The following PPP1R12A variants were observed in gnomAD, a reference collection of about 807,000 sequenced individuals.
PPP1R12A encodes myosin binding subunit.
PPP1R12A carries 19 observed loss-of-function variants against 139.6 expected under a neutral mutation model. The ratio of observed to expected loss-of-function variants is 0.14; its 90% confidence interval spans 0.09 to 0.20. The LOEUF (loss-of-function observed/expected upper bound fraction) is 0.20, where lower values mean the gene tolerates loss of function less well. PPP1R12A is among the 10% of genes least tolerant of loss of function. PPP1R12A has a pLI of 1.00. For missense variants in PPP1R12A, 925 were observed against 1,211.5 expected (o/e 0.76, Z 3.51); for synonymous variants, 427 against 420.6 (o/e 1.02, Z -0.19).
chr12:79,816,667 G>A (rs1875430154), intron 9 of PPP1R12A, among the ~76,000 whole-genome samples: 1 of 152,064 alleles, frequency 6.6e-6, no homozygotes, highest in Non-Finnish European at 1.5e-5. Context: ...AACAGACAGA[G>A]AACAGAAAGA....
At chr12:79,917,433 C>T (rs569332143) in intron 1 of PPP1R12A, among the ~76,000 whole-genome samples, 2 of 144,842 alleles carry the variant, frequency 1.4e-5, no homozygotes, top group African/African-American at 5.2e-5. Flanking sequence ...TGCAGTGAGC[C>T]GAGATCGTGC....
At chr12:79,883,018 T>A (rs1883782168) in intron 1 of PPP1R12A, among the ~76,000 whole-genome samples, 2 of 152,034 alleles carry the variant, frequency 1.3e-5, no homozygotes, top group South Asian at 4.2e-4. Context: ...GCACCTATAA[T>A]CCCAGCTACT....
At chr12:79,777,393 A>C (rs999653152) in intron 24 of PPP1R12A, 1 of 984,556 alleles carries the variant, frequency 1.0e-6, no homozygotes, top group East Asian at 1.1e-4. Flanking sequence ...GCCATGCATA[A>C]TTAGTTATAT....
At chr12:79,918,783 T>C (rs774093214) in intron 1 of PPP1R12A, among the ~76,000 whole-genome samples, 11 of 152,156 alleles carry the variant, frequency 7.2e-5, no homozygotes, top group Non-Finnish European at 1.6e-4. Flanking sequence ...GTGATTTTTC[T>C]TAAAAAAGAA....
chr12:79,912,585 T>C (rs1174855107), intron 1 of PPP1R12A, among the ~76,000 whole-genome samples: 1 of 151,882 alleles, frequency 6.6e-6, no homozygotes, highest in African/African-American at 2.4e-5. Flanking sequence ...TCCCAACTAC[T>C]CAGGTGGCTG....
intron 12 of PPP1R12A, 66 bp from the exon 13 acceptor site, chr12:79,806,399 C>A: frequency 7.2e-7 from 1 of 1,383,158 alleles, no homozygotes; most frequent in Non-Finnish European, 9.8e-7. Context: ...AATGTCTATA[C>A]ATTATATAAA....
intron 1 of PPP1R12A, among the ~76,000 whole-genome samples, chr12:79,885,810 T>G (rs1481658727): frequency 6.6e-6 from 1 of 152,204 alleles, no homozygotes; most frequent in East Asian, 1.9e-4. Flanking sequence ...TGAATTACTT[T>G]GAATACAGAA....
Position 79,867,901 on chromosome 12 carries a change from C to T in PPP1R12A, c.368+4907G>A, listed in dbSNP as rs538758918. 2.6e-5 allele frequency among the ~76,000 whole-genome samples: 4 copies of T among 152,128 alleles called. No homozygotes were observed. The South Asian group carries it at 6.2e-4, about 24-fold the overall frequency. ...AAGAATGTGTTTGCTTCCCCTTCCA[C>T]CATGATTGTAAGTTTCCTGAGGCCT... On this transcript the variant is annotated intron_variant, in intron 2 of 24. Coordinates refer to ENST00000450142, the MANE Select transcript of PPP1R12A (RefSeq NM_002480.3).
intron 24 of PPP1R12A, chr12:79,777,010 A>C: frequency 3.1e-6 from 1 of 325,172 alleles, no homozygotes. Context: ...TGTGTTCAGA[A>C]TCTTTAAGAT....
chr12:79,794,411 G>A lies in PPP1R12A; in HGVS notation c.2584-483C>T, dbSNP rs527542191. Among the ~76,000 whole-genome samples, 6 of 151,854 alleles carry A rather than the reference G, an allele frequency of 4.0e-5. No individual in the cohort carries two copies. The South Asian group carries it at 1.0e-3, about 26-fold the overall frequency. On this transcript the variant is annotated intron_variant, in intron 18 of 24. Coordinates refer to ENST00000450142, the MANE Select transcript of PPP1R12A (RefSeq NM_002480.3). ...CCATTTAATACTTTCCCATATTTTT[G>A]TGCTATTGTTTTCATATGCCTTAGC...
chr12:79,823,234 A>C (rs1441434169), intron 5 of PPP1R12A, among the ~76,000 whole-genome samples: 1 of 152,110 alleles, frequency 6.6e-6, no homozygotes, highest in Non-Finnish European at 1.5e-5. Flanking sequence ...CAAGTTCATT[A>C]TTTAGAATAC....
intron 1 of PPP1R12A, among the ~76,000 whole-genome samples, chr12:79,887,615 G>A (rs1238501751): frequency 6.6e-6 from 1 of 152,156 alleles, no homozygotes; most frequent in Non-Finnish European, 1.5e-5. Flanking sequence ...GTGGAAGGCA[G>A]ATACAGAGAA....
At chr12:79,904,020 G>A (rs1207028191) in intron 1 of PPP1R12A, among the ~76,000 whole-genome samples, 1 of 152,024 alleles carries the variant, frequency 6.6e-6, no homozygotes, top group African/African-American at 2.4e-5. Flanking sequence ...TTCGAGACCA[G>A]CAAGGCCAAC....
chr12:79,832,595 A>G, intron 3 of PPP1R12A, 104 bp from the exon 4 acceptor site: 2 of 1,221,882 alleles, frequency 1.6e-6, no homozygotes, highest in Non-Finnish European at 2.2e-6. Context: ...ATTAAAAGTG[A>G]AAGTATGTCT....
intron 2 of PPP1R12A, 41 bp downstream of exon 2, chr12:79,872,763 TGTCA>T: frequency 6.3e-7 from 1 of 1,580,194 alleles, no homozygotes. Flanking sequence ...CATTCAGGTC[TGTCA>T]AACAGTATTA....
At chr12:79,875,427 C>T (rs1158470384) in intron 1 of PPP1R12A, among the ~76,000 whole-genome samples, 1 of 152,206 alleles carries the variant, frequency 6.6e-6, no homozygotes, top group Non-Finnish European at 1.5e-5. Context: ...TCACACAAAG[C>T]CACTATTTGC....
At chr12:79,905,253 A>G (rs1206525281) in intron 1 of PPP1R12A, among the ~76,000 whole-genome samples, 1 of 151,574 alleles carries the variant, frequency 6.6e-6, no homozygotes, top group Non-Finnish European at 1.5e-5. Flanking sequence ...CAGCACTACT[A>G]GAGCTTAACA....
At chr12:79,923,904 C>A (rs1002854733) in intron 1 of PPP1R12A, among the ~76,000 whole-genome samples, 12 of 152,010 alleles carry the variant, frequency 7.9e-5, no homozygotes, top group Admixed American at 2.0e-4. Context: ...ATTAGCCGGG[C>A]GTGGTGGTGG....
At chr12:79,908,586 G>A (rs918074224) in intron 1 of PPP1R12A, among the ~76,000 whole-genome samples, 4 of 152,174 alleles carry the variant, frequency 2.6e-5, no homozygotes, top group African/African-American at 9.7e-5. Flanking sequence ...TAGGAGAAAA[G>A]CAGGTATATA....
Sources: allele counts gnomAD v4.1 joint callset (sites outside exome capture counted in the v4.1 genomes callset), GRCh38; gene constraint gnomAD v4.1.1; transcripts MANE v1.5; gene names NCBI Gene and HGNC (gene_info 2026-07-23, HGNC 2026-07-21).